The following PCDHGA7 variants were observed in gnomAD, a reference collection of about 807,000 sequenced individuals.
PCDHGA7 encodes the protein protocadherin gamma subfamily A, 7.
PCDHGA7 carries 44 observed loss-of-function variants against 58.3 expected under a neutral mutation model. The observed-to-expected ratio is 0.75, with a 90% CI of 0.59 to 0.97. PCDHGA7 has a LOEUF of 0.97. Ranked by LOEUF, PCDHGA7 falls within the 50% of genes least tolerant of loss-of-function variation. The pLI is 0.00. For synonymous variants in PCDHGA7, 516 were observed against 504.2 expected (o/e 1.02, Z -0.31); for missense variants, 1,266 against 1,188.7 (o/e 1.06, Z -0.96).
At chr5:141,450,067 T>C (rs1007808503) in intron 1 of PCDHGA7, among the ~76,000 whole-genome samples, 4 of 147,604 alleles carry the variant, frequency 2.7e-5, no homozygotes, top group African/African-American at 1.0e-4. Context: ...AATGCAGTGG[T>C]ATGATCTTGG....
chr5:141,454,657 CG>C (rs1313292109), intron 1 of PCDHGA7, among the ~76,000 whole-genome samples: 1 of 152,074 alleles, frequency 6.6e-6, no homozygotes, highest in Admixed American at 6.6e-5. Flanking sequence ...CTGCCCACCT[CG>C]GCCTCCCAAA....
rs1312101699 is a variant in PCDHGA7 at position 141,421,245 on chromosome 5, G to C, written c.2424+35922G>C. ...AGCCTGCCATGGCGAATCGGCTACA[G>C]CGCGGGGACCGCAGTCGGCTGCTGC... On this transcript the variant is annotated intron_variant, in intron 1 of 3. Coordinates refer to ENST00000518325, the MANE Select transcript of PCDHGA7 (RefSeq NM_018920.4). 6.2e-7 allele frequency: 1 copy of C among 1,603,936 alleles called. No homozygotes were observed. The highest frequency in any genetic ancestry group is 8.5e-7 in the Non-Finnish European group (1 of 1,176,330).
rs2097422953 is a variant in PCDHGA7 at position 141,431,840 on chromosome 5, C to A, written c.2424+46517C>A. The A allele has an allele frequency of 1.9e-6, 3 of 1,614,248 alleles. No homozygotes were observed. The highest frequency in any genetic ancestry group is 1.6e-4 in the Middle Eastern group (1 of 6,062). ...CGCCAGCTCGGTTCCCGAAAACTCT[C>A]CCAGAGGGACATTAATTGCCCTTTT... On this transcript the variant is annotated intron_variant, in intron 1 of 3. Transcript: ENST00000518325. The surrounding 1 kb of genome is among the most constrained non-coding windows in gnomAD (Gnocchi z 4.8).
intron 1 of PCDHGA7, chr5:141,478,076 C>A: frequency 6.2e-7 from 1 of 1,614,106 alleles, no homozygotes. Context: ...CAATGGGGAG[C>A]CTTCGCTCTC....
chr5:141,399,672 C>T (rs1322373656), intron 1 of PCDHGA7: 1 of 1,613,510 alleles, frequency 6.2e-7, no homozygotes, highest in Admixed American at 1.7e-5. Context: ...CGCAGCGCGC[C>T]TTTGACTACG....
rs561817609 is a variant in PCDHGA7, at chr5:141,496,904, G to A, written c.2483+2039G>A. Among the ~76,000 whole-genome samples, 12 of 137,476 alleles carry A rather than the reference G, an allele frequency of 8.7e-5. 1 individual carries two copies. The South Asian group carries it at 2.0e-3, about 23-fold the overall frequency. The allele number at this position is 137,476 out of a possible 152,430, so 90.2% of individuals were successfully genotyped here. On this transcript the variant is annotated intron_variant, in intron 2 of 3. Transcript: ENST00000518325. ...AGTAACACTTAAAAAAAAAAAAAAA[G>A]GCTGGGCACTGTGGTTCACGCCTGT...
chr5:141,393,272 A>G, intron 1 of PCDHGA7: 1 of 1,613,892 alleles, frequency 6.2e-7, no homozygotes, highest in Non-Finnish European at 8.5e-7. Context: ...CACGTTATCC[A>G]CTCCCAGAAG....
At position 141,385,121 on chromosome 5, in the gene PCDHGA7, T is replaced by C. The variant is rs748623262; in HGVS notation, c.2222T>C (p.Val741Ala). The change falls in exon 1 of 4, where the codon GTG becomes GCG. Residue 741 changes from valine (V) to alanine (A), a missense_variant. Val to Ala is a moderately conservative substitution (Grantham distance 64). Transcript: ENST00000518325. The stretch of plus-strand genomic sequence containing the variant: ...GCGAACGTGCCCACCTCGCACTTTG[T>C]GGGCATGGACGGGGTGCAGGCTTTC... ...GLANVPTSHF[V>A]GMDGVQAFLQ... 14 of 1,614,214 alleles carry C rather than the reference T, an allele frequency of 8.7e-6. No homozygotes were observed. The Admixed American group carries it at 2.3e-4, about 27-fold the overall frequency.
At position 141,389,700 on chromosome 5, in the gene PCDHGA7, G is replaced by A. The variant is rs534784537; in HGVS notation, c.2424+4377G>A. On this transcript the variant is annotated intron_variant, in intron 1 of 3. Coordinates refer to ENST00000518325, the MANE Select transcript of PCDHGA7 (RefSeq NM_018920.4). ...ACACAACGCCTGGCTGTCCTACCAC[G>A]TGCTGCAGGCTAGCGAGCCCGGGCT... 11 of 1,612,578 alleles carry A rather than the reference G, an allele frequency of 6.8e-6. No homozygotes were observed. The South Asian group carries it at 1.1e-4, about 16-fold the overall frequency.
intron 1 of PCDHGA7, chr5:141,399,217 TTGATCAAAATACA>T (rs2093771382): frequency 6.2e-7 from 1 of 1,613,854 alleles, no homozygotes; most frequent in African/African-American, 1.3e-5. Context: ...ACTAATTGCT[TTGATCAAAATACA>T]TGACCAAGAT....
chr5:141,413,013 C>A, intron 1 of PCDHGA7: 2 of 661,008 alleles, frequency 3.0e-6, no homozygotes, highest in Admixed American at 6.8e-5. Context: ...GCTTCAACTA[C>A]ACAAGCCCCA....
chr5:141,399,538 T>G, intron 1 of PCDHGA7: 1 of 1,614,048 alleles, frequency 6.2e-7, no homozygotes, highest in Non-Finnish European at 8.5e-7. Context: ...CGCGCAAGTC[T>G]GCGCCTCGGA....
At chr5:141,408,301 C>A in intron 1 of PCDHGA7, 1 of 1,613,756 alleles carries the variant, frequency 6.2e-7, no homozygotes, top group Non-Finnish European at 8.5e-7. Flanking sequence ...GTGAGCCGAT[C>A]CGCTACTCGA....
rs1032445242 is a variant in PCDHGA7 at position 141,487,571 on chromosome 5, G to C, written c.2425-7236G>C. The C allele has an allele frequency of 6.2e-7, 1 of 1,614,060 alleles. No homozygotes were observed. The highest frequency in any genetic ancestry group is 8.5e-7 in the Non-Finnish European group (1 of 1,180,046). ...CAGTGCACCTATGGCAGGGGAGCCTGTTCGCCCAAGCTGCCCACCCTCTGA... is the reference window on the plus strand; with the variant it reads ...CAGTGCACCTATGGCAGGGGAGCCTCTTCGCCCAAGCTGCCCACCCTCTGA... On this transcript the variant is annotated intron_variant, in intron 1 of 3. Transcript: ENST00000518325. This position sits in a 1 kb window ranked among gnomAD's most constrained non-coding sequence, Gnocchi z 5.0.
intron 1 of PCDHGA7, chr5:141,422,639 C>T (rs777330051): frequency 3.7e-6 from 6 of 1,612,780 alleles, no homozygotes; most frequent in South Asian, 2.2e-5. Flanking sequence ...AGGGGTGCCT[C>T]CATCTTCTCA....
intron 1 of PCDHGA7, among the ~76,000 whole-genome samples, chr5:141,406,226 A>G (rs888434232): frequency 4.6e-5 from 7 of 152,108 alleles, no homozygotes; most frequent in African/African-American, 1.7e-4. Flanking sequence ...TGGGAGGGCT[A>G]GCAAGCTATG....
intron 2 of PCDHGA7, among the ~76,000 whole-genome samples, chr5:141,498,971 G>GGAA (rs2099787559): frequency 9.0e-6 from 1 of 110,972 alleles, no homozygotes; most frequent in African/African-American, 3.6e-5. Flanking sequence ...GAGGGAGGGA[G>GGAA]GGAAGGAAGG....
chr5:141,395,237 G>C (rs760516487), intron 1 of PCDHGA7: 2 of 1,590,946 alleles, frequency 1.3e-6, no homozygotes, highest in Non-Finnish European at 8.6e-7. Flanking sequence ...ATCATGGTCA[G>C]GTGAGTTTAG....
intron 1 of PCDHGA7, chr5:141,430,875 T>C: frequency 6.3e-7 from 1 of 1,599,398 alleles, no homozygotes; most frequent in Non-Finnish European, 8.5e-7. Context: ...CCGGAAGAGC[T>C]GGAGAAAGGC....
Sources: allele counts gnomAD v4.1 joint callset (sites outside exome capture counted in the v4.1 genomes callset), GRCh38; gene constraint gnomAD v4.1.1; non-coding constraint Gnocchi (gnomAD v3.1); transcripts MANE v1.5; gene names NCBI Gene and HGNC (gene_info 2026-07-23, HGNC 2026-07-21).